Variants in FNIP1 observed in about 807,000 individuals in gnomAD.
FNIP1 encodes the protein folliculin-interacting protein 1.
FNIP1 carries 40 observed loss-of-function variants against 124.5 expected under a neutral mutation model. The ratio of observed to expected loss-of-function variants is 0.32; its 90% CI spans 0.25 to 0.42. The LOEUF (loss-of-function observed/expected upper bound fraction) is 0.42. Ranked by LOEUF, FNIP1 falls within the 10% of genes least tolerant of loss-of-function variation. The pLI is 1.00. For synonymous variants in FNIP1, 472 were observed against 470.6 expected, an observed-to-expected ratio of 1.00 and a Z score of -0.04; for missense variants, 1,176 against 1,403.7, an observed-to-expected ratio of 0.84 and a Z score of 2.59.
chr5:131,734,756 A>C (rs561691656), intron 2 of FNIP1, among the ~76,000 whole-genome samples: 2 of 152,350 alleles, frequency 1.3e-5, no homozygotes, highest in African/African-American at 4.8e-5. Flanking sequence ...TCAAAACCAC[A>C]ATGAGATATC....
In FNIP1 at chr5:131,647,065, G is replaced by C. The variant is rs1389161794; in HGVS notation, c.3422+25C>G. On this transcript the variant is annotated intron_variant, in intron 17 of 17. Coordinates refer to ENST00000510461, the MANE Select transcript of FNIP1 (RefSeq NM_133372.3). ...CTGATGACAGGGCAATGAAAGCAAA[G>C]CCAAAAAAGAAACCATTAACATACC... is the stretch of plus-strand genomic sequence containing the variant. 16 of 1,604,628 alleles carry C rather than the reference G, an allele frequency of 1.0e-5. 1 individual carries two copies. The Admixed American group carries it at 2.7e-4, about 27-fold the overall frequency.
chr5:131,732,961 G>A (rs1304468608), intron 2 of FNIP1, among the ~76,000 whole-genome samples: 1 of 152,164 alleles, frequency 6.6e-6, no homozygotes, highest in East Asian at 1.9e-4. Flanking sequence ...CTATCCATGA[G>A]CATGGAATGT....
Position 131,704,138 on chromosome 5 carries a change from A to T in FNIP1, c.1043T>A (p.Phe348Tyr). The T allele has an allele frequency of 6.2e-7, 1 of 1,612,988 alleles. No homozygotes were observed. Among genetic ancestry groups the T allele is most frequent in the Non-Finnish European group, 8.5e-7 (1 of 1,179,142 alleles). Residue 348 changes from phenylalanine to tyrosine, a missense_variant, in exon 10 of 18, where the codon TTT (phenylalanine) becomes TAT (tyrosine). By Grantham distance (22) the Phe-to-Tyr change is conservative. Around this residue, in one of 2 missense-constraint regions of FNIP1, gnomAD observed 1,109 missense variants for 1,288.5 expected, o/e 0.86. Coordinates refer to ENST00000510461, the MANE Select transcript of FNIP1 (RefSeq NM_133372.3). Reference protein sequence around the residue: ...LSKDEDENNKFNEFFFSHFPL... With the variant: ...LSKDEDENNKYNEFFFSHFPL... ...AAAATGTGAAAAAAAGAATTCATTA[A>T]ATTTGTTATTTTCATCTTCATCTTT...
intron 15 of FNIP1, among the ~76,000 whole-genome samples, chr5:131,669,336 A>C: frequency 6.6e-6 from 1 of 152,318 alleles, no homozygotes; most frequent in South Asian, 2.1e-4. Context: ...GGATGTGCCA[A>C]TATTATCCTG....
chr5:131,651,736 G>GA (rs1354723945), intron 16 of FNIP1, 66 bp downstream of exon 16: 15 of 1,492,812 alleles, frequency 1.0e-5, no homozygotes, highest in Admixed American at 2.1e-5. Flanking sequence ...CTTTTTTTCA[G>GA]AAAAAACAAT....
In FNIP1 at chr5:131,671,489, A is replaced by G. The variant is rs1225599995; in HGVS notation, c.2939+16T>C. On this transcript the variant is annotated intron_variant, in intron 14 of 17. Transcript: ENST00000510461. Reference sequence around the variant, plus strand: ...ATTTATATAGGGCCCATTATAGGTGAAAACTTCCTACTTACCCAGGAAAAG... The same window carrying G: ...ATTTATATAGGGCCCATTATAGGTGGAAACTTCCTACTTACCCAGGAAAAG... The G allele has an allele frequency of 3.8e-6, 6 of 1,591,338 alleles. No homozygotes were observed. Among genetic ancestry groups the G allele is most frequent in the Non-Finnish European group, 5.1e-6 (6 of 1,172,140 alleles).
Position 131,644,654 on chromosome 5 carries a change from T to TC in FNIP1, c.*30dup, listed in dbSNP as rs750651803. On this transcript the variant is annotated 3_prime_UTR_variant, in exon 18 of 18. Coordinates refer to ENST00000510461, the MANE Select transcript of FNIP1 (RefSeq NM_133372.3). ...CTGCTTCCTTGGTTTCTACCTATTT[T>TC]CCCACCAATTTCTAACAATTTTTAG... is the stretch of plus-strand genomic sequence containing the variant. 2 of 1,591,030 alleles carry TC rather than the reference T, an allele frequency of 1.3e-6. No homozygotes were observed. Among genetic ancestry groups the TC allele is most frequent in the Non-Finnish European group, 1.7e-6 (2 of 1,159,784 alleles).
chr5:131,739,064 T>C (rs1042102234), intron 2 of FNIP1, among the ~76,000 whole-genome samples: 17 of 152,056 alleles, frequency 1.1e-4, no homozygotes, highest in Non-Finnish European at 2.1e-4. Flanking sequence ...AATTCACCCA[T>C]GTTGACCTCC....
intron 13 of FNIP1, 118 bp from the exon 14 acceptor site, chr5:131,673,042 C>T (rs1767812083): frequency 1.3e-5 from 9 of 691,188 alleles, no homozygotes; most frequent in African/African-American, 7.4e-5. Context: ...AGGTTTTACT[C>T]GTTTTTTTGT....
chr5:131,657,019 C>CCTT (rs1355982734), intron 15 of FNIP1, among the ~76,000 whole-genome samples: 4 of 89,638 alleles, frequency 4.5e-5, no homozygotes, highest in African/African-American at 1.4e-4. Context: ...CCACCCATGC[C>CCTT]TTTTTTTTTT....
At chr5:131,748,739 T>C (rs770781024) in intron 1 of FNIP1, among the ~76,000 whole-genome samples, 1 of 150,798 alleles carries the variant, frequency 6.6e-6, no homozygotes, top group Admixed American at 6.6e-5. Context: ...ATGTTACTGG[T>C]TTATGAATTT....
At chr5:131,651,226 C>T (rs1767029325) in intron 16 of FNIP1, among the ~76,000 whole-genome samples, 1 of 152,072 alleles carries the variant, frequency 6.6e-6, no homozygotes, top group Non-Finnish European at 1.5e-5. Context: ...GCCATCTCTA[C>T]TAAAAAAATA....
intron 1 of FNIP1, among the ~76,000 whole-genome samples, chr5:131,778,257 C>T (rs910788749): frequency 6.6e-6 from 1 of 152,076 alleles, no homozygotes; most frequent in East Asian, 1.9e-4. Context: ...AACAAACAAA[C>T]AAAACCTGAC....
chr5:131,693,464 A>G (rs1321984024), intron 11 of FNIP1, among the ~76,000 whole-genome samples: 2 of 150,562 alleles, frequency 1.3e-5, no homozygotes, highest in Non-Finnish European at 3.0e-5. Context: ...AACGGAGCAA[A>G]GGTAATTCAA....
At chr5:131,757,649 A>G (rs539638264) in intron 1 of FNIP1, among the ~76,000 whole-genome samples, 1 of 152,140 alleles carries the variant, frequency 6.6e-6, no homozygotes, top group East Asian at 1.9e-4. Flanking sequence ...AAAAAAAAAA[A>G]AGGTGGACAA....
In FNIP1 at chr5:131,672,063, T is replaced by G. The variant is rs773819345; in HGVS notation, c.2381A>C (p.His794Pro). Reference protein sequence around the residue: ...LKEERGAIDQHQETKQTTKDQ... With the variant: ...LKEERGAIDQPQETKQTTKDQ... ...CTTGGTTGTTTGTTTAGTTTCTTGATGCTGATCAATAGCCCCTCTTTCTTC... is the reference window on the plus strand; with the variant it reads ...CTTGGTTGTTTGTTTAGTTTCTTGAGGCTGATCAATAGCCCCTCTTTCTTC... Residue 794 changes from histidine (H) to proline (P), a missense_variant, in exon 14 of 18, where the codon CAT becomes CCT. Around this residue, in one of 2 missense-constraint regions of FNIP1, gnomAD observed 1,109 missense variants for 1,288.5 expected, o/e 0.86. Coordinates refer to ENST00000510461, the MANE Select transcript of FNIP1 (RefSeq NM_133372.3). The G allele has an allele frequency of 6.2e-7, 1 of 1,614,230 alleles. No individual in the cohort carries two copies. The highest frequency in any genetic ancestry group is 8.5e-7 in the Non-Finnish European group (1 of 1,180,032).
intron 1 of FNIP1, among the ~76,000 whole-genome samples, chr5:131,790,478 C>CAAAAAAAAAA (rs56699008): frequency 1.4e-5 from 1 of 70,594 alleles, no homozygotes; most frequent in South Asian, 8.2e-4. Flanking sequence ...GAACCTGTCT[C>CAAAAAAAAAA]AAAAAAAAAA....
At chr5:131,670,299 C>T (rs1341887988) in intron 15 of FNIP1, among the ~76,000 whole-genome samples, 164 bp downstream of exon 15, 1 of 152,152 alleles carries the variant, frequency 6.6e-6, no homozygotes, top group African/African-American at 2.4e-5. Flanking sequence ...TATTTGCTTT[C>T]ACAGTGACAG....
intron 16 of FNIP1, among the ~76,000 whole-genome samples, chr5:131,650,405 T>C (rs532646871): frequency 5.9e-5 from 9 of 152,354 alleles, no homozygotes; most frequent in Admixed American, 1.3e-4. Context: ...TTCTTAATTT[T>C]CTTTTCAGAG....
Sources: gnomAD v4.1 joint callset for allele counts (sites outside exome capture counted in the v4.1 genomes callset) on GRCh38, gnomAD v4.1.1 for gene constraint, gnomAD v4.1.1 regional missense constraint, MANE v1.5 for transcripts, NCBI Gene and HGNC (gene_info 2026-07-23, HGNC 2026-07-21) for gene names.